The following KIZ variants were observed in gnomAD, a reference collection of about 807,000 sequenced individuals.
KIZ encodes centrosomal protein kizuna.
Under a neutral mutation model 79.6 loss-of-function variants are expected in KIZ, and 68 were observed. The ratio of observed to expected loss-of-function variants is 0.85; its 90% CI spans 0.70 to 1.05. The LOEUF (loss-of-function observed/expected upper bound fraction) is 1.05. KIZ is among the 50% of genes least tolerant of loss of function. The probability of loss-of-function intolerance (pLI) is 0.00; values close to 1 mark genes in which losing one functional copy is unlikely to be tolerated. For synonymous variants in KIZ, 280 were observed against 281.8 expected, an observed-to-expected ratio of 0.99 and a Z score of 0.06; for missense variants, 797 against 800.4, an observed-to-expected ratio of 1.00 and a Z score of 0.05.
In KIZ at chr20:21,227,753, G is replaced by A. The variant is rs547286663; in HGVS notation, c.1679-1258G>A. Reference sequence around the variant, plus strand: ...ACCAGCCTCATCAGGAAACACTTTCGTCCCAGCGACCCCCACACATACACA... The same window carrying A: ...ACCAGCCTCATCAGGAAACACTTTCATCCCAGCGACCCCCACACATACACA... On this transcript the variant is annotated intron_variant, in intron 9 of 12. Coordinates refer to ENST00000619189, the MANE Select transcript of KIZ (RefSeq NM_018474.6). Among the ~76,000 whole-genome samples the A allele has an allele frequency of 3.9e-5, 6 of 152,180 alleles. No individual in the cohort carries two copies. The South Asian group carries it at 8.3e-4, about 21-fold the overall frequency.
rs763331502 is a variant in KIZ at position 21,244,338 on chromosome 20, A to C, written c.1924+50A>C. ...ATTTTCTTTTTCTGTTTTAACCAAA[A>C]AACTCTGTGACATGCATTTGTTGTT... is the stretch of plus-strand genomic sequence containing the variant. On this transcript the variant is annotated intron_variant, in intron 12 of 12. Transcript: ENST00000619189. The C allele has an allele frequency of 4.5e-6, 6 of 1,323,782 alleles. No homozygotes were observed. The South Asian group carries it at 6.0e-5, about 13-fold the overall frequency. 82.0% of individuals were successfully genotyped at this position (1,323,782 alleles called of 1,614,324 possible). A position where few individuals can be genotyped will look rare whatever the true frequency, so the allele number is the denominator to read the frequency against.
chr20:21,148,770 T>C (rs1017984871), intron 4 of KIZ: 1 of 152,222 alleles, frequency 6.6e-6, no homozygotes, highest in Non-Finnish European at 1.5e-5. Context: ...TGAACTATTA[T>C]GCTGTGAAAT....
chr20:21,145,538 A>G, intron 3 of KIZ, 27 bp from the exon 4 acceptor site: 1 of 1,169,538 alleles, frequency 8.6e-7, no homozygotes, highest in African/African-American at 1.6e-5. Context: ...AATATTTATC[A>G]CAAAATCAAA....
intron 4 of KIZ, among the ~76,000 whole-genome samples, chr20:21,160,508 TTGTG>T (rs893155417): frequency 2.0e-5 from 3 of 152,110 alleles, no homozygotes; most frequent in Non-Finnish European, 4.4e-5. Flanking sequence ...TCCCTGATGT[TTGTG>T]TGTGTGGCCT....
In KIZ at chr20:21,223,991, T is replaced by A. The variant is rs530210373; in HGVS notation, c.1679-5020T>A. Among the ~76,000 whole-genome samples, 43 of 148,378 alleles carry A rather than the reference T, an allele frequency of 2.9e-4. 2 individuals are homozygous for A. The highest frequency in any genetic ancestry group is 2.8e-3 in the Admixed American group (42 of 14,912). On this transcript the variant is annotated intron_variant, in intron 9 of 12. Transcript: ENST00000619189. ...CTGCACCCGGCCTTATTTCCTTATT[T>A]TTTATTTATTTATTTTTTTGAGATG...
intron 6 of KIZ, among the ~76,000 whole-genome samples, chr20:21,200,977 C>T (rs953673388): frequency 1.3e-5 from 2 of 151,814 alleles, no homozygotes; most frequent in Admixed American, 6.6e-5. Flanking sequence ...CTCAGGAGTT[C>T]GAGACCAGCC....
At position 21,205,494 on chromosome 20, in the gene KIZ, TG is replaced by T; in HGVS notation, c.1358del (p.Gly453AspfsTer20). On this transcript the variant is annotated frameshift_variant, in exon 7 of 13. Coordinates refer to ENST00000619189, the MANE Select transcript of KIZ (RefSeq NM_018474.6). LOFTEE classifies it high-confidence loss of function. The part of the protein sequence containing the change: ...SSTNAPTREP[G>X]QTPDSDVPRA... Reference sequence around the variant, plus strand: ...GTGTCCTGTTTCTGTTTTATAGACCTGGACAAACACCAGACTCAGACGTACC... The same window carrying T: ...GTGTCCTGTTTCTGTTTTATAGACCTGACAAACACCAGACTCAGACGTACC... 1.4e-6 allele frequency: 2 copies of T among 1,449,624 alleles called. No individual in the cohort carries two copies. Among genetic ancestry groups the T allele is most frequent in the Non-Finnish European group, 1.9e-6 (2 of 1,047,442 alleles). The allele number at this position is 1,449,624 out of a possible 1,614,324, so 89.8% of individuals were successfully genotyped here.
chr20:21,240,710 C>T (rs1165074337), intron 11 of KIZ, among the ~76,000 whole-genome samples: 2 of 96,642 alleles, frequency 2.1e-5, no homozygotes, highest in Non-Finnish European at 2.7e-5. Flanking sequence ...TCAGTCCATA[C>T]GGCCCGCAAG....
chr20:21,229,935 G>A (rs2036782949), intron 10 of KIZ, among the ~76,000 whole-genome samples: 3 of 152,164 alleles, frequency 2.0e-5, no homozygotes, highest in South Asian at 4.2e-4. Flanking sequence ...TGTTTTAATT[G>A]TAATTTTTTT....
rs967741668 is a variant in KIZ at position 21,165,326 on chromosome 20, T to C, written c.1352+2167T>C. 2.0e-5 allele frequency among the ~76,000 whole-genome samples: 3 copies of C among 151,282 alleles called. No individual in the cohort carries two copies. The South Asian group carries it at 6.3e-4, about 32-fold the overall frequency. On this transcript the variant is annotated intron_variant, in intron 6 of 12. Coordinates refer to ENST00000619189, the MANE Select transcript of KIZ (RefSeq NM_018474.6). The stretch of plus-strand genomic sequence containing the variant: ...AGAGCAAATAGGGTCTGGAGGAAAA[T>C]GCAAGAAGGAATGCGGAGCAGAGAA...
At chr20:21,168,955 C>T (rs1428348744) in intron 6 of KIZ, among the ~76,000 whole-genome samples, 1 of 152,106 alleles carries the variant, frequency 6.6e-6, no homozygotes, top group African/African-American at 2.4e-5. Flanking sequence ...AAGACTTAAA[C>T]ATTAGACCTA....
chr20:21,245,550 T>C (rs1600640860), intron 12 of KIZ: 1 of 152,316 alleles, frequency 6.6e-6, no homozygotes, highest in Non-Finnish European at 1.5e-5. Context: ...TGGCAGGTGG[T>C]GCCATGCAGG....
intron 3 of KIZ, chr20:21,144,218 TGAG>T (rs1194054869): frequency 2.0e-5 from 3 of 152,158 alleles, no homozygotes; most frequent in African/African-American, 7.2e-5. Flanking sequence ...GATCCTATAA[TGAG>T]GAAATCAGGT....
At chr20:21,131,327 C>G (rs545850713) in intron 1 of KIZ, among the ~76,000 whole-genome samples, 2 of 152,286 alleles carry the variant, frequency 1.3e-5, no homozygotes, top group South Asian at 2.1e-4. Context: ...GGTAGTAGCT[C>G]CAGGAAAACA....
chr20:21,166,638 T>G (rs79806994), intron 6 of KIZ: 4 of 700,408 alleles, frequency 5.7e-6, no homozygotes, highest in Admixed American at 2.5e-5. Context: ...TTTTTTTTTT[T>G]GGAGAGACTT....
rs1049290015 is a variant in KIZ, at chr20:21,156,003, G to A, written c.406-5868G>A. On this transcript the variant is annotated intron_variant, in intron 4 of 12. Transcript: ENST00000619189. ...TCTTTCCTACGAGGATTCTGCCCAT[G>A]TATTCAGCCACCAGCGGTGTGACAG... 5.3e-5 allele frequency among the ~76,000 whole-genome samples: 8 copies of A among 152,308 alleles called. No homozygotes were observed. The East Asian group carries it at 1.5e-3, about 29-fold the overall frequency.
At chr20:21,135,483 C>A (rs2032134814) in intron 2 of KIZ, among the ~76,000 whole-genome samples, 1 of 152,206 alleles carries the variant, frequency 6.6e-6, no homozygotes, top group East Asian at 1.9e-4. Context: ...TAAAGACTTT[C>A]TTGAAAATTG....
intron 3 of KIZ, among the ~76,000 whole-genome samples, chr20:21,145,031 T>G (rs2032771896): frequency 6.6e-6 from 1 of 152,174 alleles, no homozygotes; most frequent in Non-Finnish European, 1.5e-5. Context: ...CATTGATGTC[T>G]GCAGTATATT....
At chr20:21,171,016 A>T (rs1455073331) in intron 6 of KIZ, among the ~76,000 whole-genome samples, 1 of 152,232 alleles carries the variant, frequency 6.6e-6, no homozygotes, top group Non-Finnish European at 1.5e-5. Flanking sequence ...CTGCTGAACC[A>T]TCGTCTTCCA....
Sources: gnomAD v4.1 joint callset for allele counts (sites outside exome capture counted in the v4.1 genomes callset) on GRCh38, gnomAD v4.1.1 for gene constraint, MANE v1.5 for transcripts, NCBI Gene and HGNC (gene_info 2026-07-23, HGNC 2026-07-21) for gene names.